ADAMTS9: variants seen among roughly 807,000 people sequenced by gnomAD.
The protein encoded by ADAMTS9 is ADAM metallopeptidase with thrombospondin type 1 motif 9.
ADAMTS9 carries 107 observed loss-of-function variants against 257.1 expected under a neutral mutation model. That is an observed-to-expected ratio of 0.42 (90% CI 0.36 to 0.49). ADAMTS9 has a LOEUF of 0.49. ADAMTS9 is among the 20% of genes least tolerant of loss of function. The probability of loss-of-function intolerance (pLI) is 0.03; values close to 1 mark genes in which losing one functional copy is unlikely to be tolerated. For missense variants in ADAMTS9, 2,353 were observed against 2,469.1 expected (o/e 0.95, Z 1.00); for synonymous variants, 982 against 880.9 (o/e 1.11, Z -2.03).
chr3:64,538,688 C>T (rs1009019860), intron 37 of ADAMTS9, among the ~76,000 whole-genome samples: 20 of 152,166 alleles, frequency 1.3e-4, no homozygotes, highest in African/African-American at 4.6e-4. Context: ...TGTGTTGGCA[C>T]GTGCTTGAAC....
intron 26 of ADAMTS9, among the ~76,000 whole-genome samples, chr3:64,600,386 G>T (rs2084437514): frequency 6.6e-6 from 1 of 152,120 alleles, no homozygotes; most frequent in African/African-American, 2.4e-5. Context: ...CAAAAAACAG[G>T]CACAATGAGG....
In ADAMTS9 at chr3:64,657,397, C is replaced by T. The variant is rs554043643; in HGVS notation, c.969+1105G>A. The stretch of plus-strand genomic sequence containing the variant: ...TGTCTCCAAGGCTGATGCACAGTGG[C>T]GCAATCAAGGCTCACTGTAGCCTCA... On this transcript the variant is annotated intron_variant, in intron 4 of 39. Coordinates refer to ENST00000498707, the MANE Select transcript of ADAMTS9 (RefSeq NM_182920.2). 2.0e-5 allele frequency among the ~76,000 whole-genome samples: 3 copies of T among 152,206 alleles called. No homozygotes were observed. The East Asian group carries it at 5.8e-4, about 29-fold the overall frequency.
In ADAMTS9 at chr3:64,555,825, G is replaced by A. The variant is rs541827764; in HGVS notation, c.4699-4763C>T. 9.2e-5 allele frequency among the ~76,000 whole-genome samples: 14 copies of A among 152,248 alleles called. No individual in the cohort carries two copies. In the East Asian group the frequency reaches 1.4e-3, roughly 15 times the overall value. ...GAGAAATGGCATGGGTGGAGAAGCG[G>A]GGGAGCAGAATGACCACAGCATTTT... is the stretch of plus-strand genomic sequence containing the variant. On this transcript the variant is annotated intron_variant, in intron 30 of 39. Transcript: ENST00000498707.
chr3:64,556,762 C>T (rs1055232909), intron 30 of ADAMTS9, among the ~76,000 whole-genome samples: 3 of 150,900 alleles, frequency 2.0e-5, no homozygotes, highest in South Asian at 2.1e-4. Context: ...TCCTCCCTCC[C>T]TTTCTTCCTT....
intron 19 of ADAMTS9, among the ~76,000 whole-genome samples, chr3:64,619,956 G>T (rs751054541): frequency 6.6e-6 from 1 of 151,648 alleles, no homozygotes; most frequent in Non-Finnish European, 1.5e-5. Flanking sequence ...GGGTTTATAT[G>T]GACACTATCT....
intron 16 of ADAMTS9, among the ~76,000 whole-genome samples, chr3:64,629,197 T>A (rs1700304451): frequency 6.6e-6 from 1 of 152,200 alleles, no homozygotes; most frequent in Admixed American, 6.5e-5. Flanking sequence ...ATTACTGCAA[T>A]GATTTCCTAA....
chr3:64,686,525 C>T lies in ADAMTS9; in HGVS notation c.516+43G>A, dbSNP rs1275391529. 4 of 1,537,772 alleles carry T rather than the reference C, an allele frequency of 2.6e-6. No homozygotes were observed. Among genetic ancestry groups the T allele is most frequent in the Non-Finnish European group, 3.5e-6 (4 of 1,140,888 alleles). On this transcript the variant is annotated intron_variant, in intron 2 of 39. Transcript: ENST00000498707. This position sits in a 1 kb window ranked among gnomAD's most constrained non-coding sequence, Gnocchi z 4.6. ...GACAATTAAGTCTTCTAGAAGCGGG[C>T]GAGGAGGCGGAAGGGGAGAGGAGGT...
Position 64,541,618 on chromosome 3 carries a change from C to G in ADAMTS9, c.5200G>C (p.Glu1734Gln). The G allele has an allele frequency of 6.2e-7, 1 of 1,613,016 alleles. No individual in the cohort carries two copies. Among genetic ancestry groups the G allele is most frequent in the Admixed American group, 1.7e-5 (1 of 60,016 alleles). Residue 1734 changes from glutamate to glutamine, a missense_variant and splice_region_variant, in exon 34 of 40, where the codon GAG (glutamate) becomes CAG (glutamine). Physicochemically the swap from Glu to Gln is conservative, Grantham distance 29 (BLOSUM62 2). Coordinates refer to ENST00000498707, the MANE Select transcript of ADAMTS9 (RefSeq NM_182920.2). ...RKTCRNVYNC[E>Q]LPQNCKEVKR... Reference sequence around the variant, plus strand: ...ACCTCCTTGCAATTCTGGGGTAACTCACCTAGAAAACACCAATCACAAAAA... The same window carrying G: ...ACCTCCTTGCAATTCTGGGGTAACTGACCTAGAAAACACCAATCACAAAAA...
chr3:64,555,267 A>T (rs1221454262), intron 30 of ADAMTS9, among the ~76,000 whole-genome samples: 1 of 152,230 alleles, frequency 6.6e-6, no homozygotes, highest in African/African-American at 2.4e-5. Flanking sequence ...AAAGTCAGGT[A>T]TACAGAATTT....
intron 25 of ADAMTS9, among the ~76,000 whole-genome samples, chr3:64,603,159 G>C (rs2084496462): frequency 6.6e-6 from 1 of 152,156 alleles, no homozygotes; most frequent in African/African-American, 2.4e-5. Flanking sequence ...TCTTCTTTAA[G>C]AGCAGAGCAC....
intron 3 of ADAMTS9, among the ~76,000 whole-genome samples, chr3:64,676,969 C>G (rs978483433): frequency 2.0e-5 from 3 of 152,166 alleles, no homozygotes; most frequent in Non-Finnish European, 2.9e-5. Flanking sequence ...TACCAGGAAG[C>G]ACTGATAAGA....
Position 64,533,221 on chromosome 3 carries a change from G to A in ADAMTS9, c.5663C>T (p.Ser1888Phe), listed in dbSNP as rs757923390. ...LYGTGLSLTE[S>F]ARWISQGNYA... ...ATTCCCTTGTGATATCCATCTGGCA[G>A]ATTCAGTTAAAGACAAGCCGGTTCC... The change falls in exon 38 of 40, where the codon TCT becomes TTT. Residue 1888 changes from serine to phenylalanine, a missense_variant. By Grantham distance (155) the Ser-to-Phe change is radical. This residue lies in a region of ADAMTS9 where 1,402 missense variants were observed against 1,441.4 expected (regional missense o/e 0.97). Transcript: ENST00000498707. 6 of 1,607,138 alleles carry A rather than the reference G, an allele frequency of 3.7e-6. No homozygotes were observed. Among genetic ancestry groups the A allele is most frequent in the Non-Finnish European group, 5.1e-6 (6 of 1,176,370 alleles).
chr3:64,600,361 G>GA (rs1286400741), intron 26 of ADAMTS9, among the ~76,000 whole-genome samples: 1 of 151,998 alleles, frequency 6.6e-6, no homozygotes, highest in Non-Finnish European at 1.5e-5. Flanking sequence ...TAACGTAGGG[G>GA]AAAAAATATC....
chr3:64,564,682 A>G (rs2083497583), intron 29 of ADAMTS9, among the ~76,000 whole-genome samples: 1 of 151,958 alleles, frequency 6.6e-6, no homozygotes, highest in Non-Finnish European at 1.5e-5. Context: ...TAACTACCAG[A>G]TGCTAGTTCC....
chr3:64,596,200 T>C (rs187732869), intron 27 of ADAMTS9, among the ~76,000 whole-genome samples: 1 of 152,268 alleles, frequency 6.6e-6, no homozygotes, highest in East Asian at 1.9e-4. Context: ...ACTACATTAT[T>C]TGCCAAGGTC....
intron 28 of ADAMTS9, among the ~76,000 whole-genome samples, chr3:64,570,143 T>G (rs900287934): frequency 1.3e-5 from 2 of 151,850 alleles, no homozygotes; most frequent in Admixed American, 6.5e-5. Flanking sequence ...AATTCATTTA[T>G]TTATTCGACA....
intron 4 of ADAMTS9, among the ~76,000 whole-genome samples, chr3:64,657,265 A>C (rs1002894669): frequency 1.3e-5 from 2 of 152,194 alleles, no homozygotes; most frequent in Admixed American, 1.3e-4. Flanking sequence ...AAAATGTGAA[A>C]TATCTCATTA....
intron 20 of ADAMTS9, 30 bp downstream of exon 20, chr3:64,615,930 A>G (rs374226749): frequency 4.3e-6 from 7 of 1,611,584 alleles, no homozygotes; most frequent in African/African-American, 4.0e-5. Flanking sequence ...ACAGCATCCA[A>G]GAAGACTCTT....
intron 38 of ADAMTS9, among the ~76,000 whole-genome samples, chr3:64,524,684 C>A (rs1342768552): frequency 1.3e-5 from 2 of 152,040 alleles, no homozygotes; most frequent in Non-Finnish European, 2.9e-5. Context: ...ACAAATATAC[C>A]ATTGATTTTG....
Sources: allele counts gnomAD v4.1 joint callset (sites outside exome capture counted in the v4.1 genomes callset), GRCh38; gene constraint gnomAD v4.1.1; regional missense constraint gnomAD v4.1.1; non-coding constraint Gnocchi (gnomAD v3.1); transcripts MANE v1.5; gene names NCBI Gene and HGNC (gene_info 2026-07-23, HGNC 2026-07-21).